BRINP2: variants seen among roughly 807,000 people sequenced by gnomAD.
The protein encoded by BRINP2 is BMP/retinoic acid inducible neural specific 2.
A neutral mutation model predicts 69.2 loss-of-function variants in BRINP2; 21 were observed. The ratio of observed to expected loss-of-function variants is 0.30; its 90% CI spans 0.22 to 0.44. BRINP2 has a LOEUF of 0.44. Ranked by LOEUF, BRINP2 falls within the 20% of genes least tolerant of loss-of-function variation. The pLI is 1.00. For missense variants in BRINP2, 877 were observed against 986.0 expected, an observed-to-expected ratio of 0.89 and a Z score of 1.48; for synonymous variants, 380 against 394.1, an observed-to-expected ratio of 0.96 and a Z score of 0.42.
intron 1 of BRINP2, among the ~76,000 whole-genome samples, chr1:177,216,347 C>A (rs985300980): frequency 6.6e-6 from 1 of 152,038 alleles, no homozygotes; most frequent in African/African-American, 2.4e-5. Flanking sequence ...TTGAGGCTAA[C>A]AGTTTAGCTT....
intron 1 of BRINP2, among the ~76,000 whole-genome samples, chr1:177,217,460 G>C (rs912888701): frequency 2.0e-5 from 3 of 152,118 alleles, no homozygotes; most frequent in Admixed American, 6.5e-5. Flanking sequence ...ACATTTTTAA[G>C]AGGATTATTC....
intron 7 of BRINP2, 96 bp downstream of exon 7, chr1:177,278,881 G>A: frequency 8.3e-7 from 1 of 1,212,060 alleles, no homozygotes; most frequent in South Asian, 1.3e-5. Flanking sequence ...GGGGATCAGG[G>A]AGTGGTGACT....
intron 2 of BRINP2, 128 bp from the exon 3 acceptor site, chr1:177,255,791 C>G: frequency 1.0e-6 from 1 of 962,116 alleles, no homozygotes; most frequent in Admixed American, 2.7e-5. Context: ...GCACCTCCAG[C>G]TGAGGGGATG....
At chr1:177,276,521 A>T in intron 6 of BRINP2, 87 bp downstream of exon 6, 1 of 1,254,652 alleles carries the variant, frequency 8.0e-7, no homozygotes, top group Non-Finnish European at 1.1e-6. Flanking sequence ...TTGAGAGTTG[A>T]GGATCCTCAT....
At chr1:177,208,961 T>G (rs1649146124) in intron 1 of BRINP2, among the ~76,000 whole-genome samples, 1 of 152,196 alleles carries the variant, frequency 6.6e-6, no homozygotes, top group South Asian at 2.1e-4. Context: ...TCTCTTGCCT[T>G]TATTCCCTGC....
intron 1 of BRINP2, among the ~76,000 whole-genome samples, chr1:177,222,607 C>T (rs557958580): frequency 3.3e-5 from 5 of 151,788 alleles, no homozygotes; most frequent in African/African-American, 9.7e-5. Context: ...CCACTGTGGC[C>T]GGTCAGGCCA....
intron 2 of BRINP2, among the ~76,000 whole-genome samples, chr1:177,247,647 T>C (rs1204406496): frequency 1.3e-5 from 2 of 152,196 alleles, no homozygotes; most frequent in African/African-American, 4.8e-5. Context: ...CCCCAAAAGA[T>C]AGATCATTGG....
At chr1:177,187,468 G>A (rs1297423818) in intron 1 of BRINP2, among the ~76,000 whole-genome samples, 1 of 152,132 alleles carries the variant, frequency 6.6e-6, no homozygotes, top group Non-Finnish European at 1.5e-5. Flanking sequence ...TACCAAAATG[G>A]GTCCTTCTTA....
intron 1 of BRINP2, among the ~76,000 whole-genome samples, chr1:177,185,525 T>A (rs1349931221): frequency 6.6e-6 from 1 of 152,192 alleles, no homozygotes; most frequent in Non-Finnish European, 1.5e-5. Context: ...TCACTAACCA[T>A]GTGGGATATC....
chr1:177,241,249 G>T (rs755670935), intron 2 of BRINP2, among the ~76,000 whole-genome samples: 1 of 152,190 alleles, frequency 6.6e-6, no homozygotes, highest in Non-Finnish European at 1.5e-5. Context: ...GGGATTACAG[G>T]CGTGAGCCAT....
chr1:177,180,661 C>T (rs1648218739), intron 1 of BRINP2, among the ~76,000 whole-genome samples: 1 of 152,058 alleles, frequency 6.6e-6, no homozygotes, highest in Admixed American at 6.6e-5. Context: ...TTGGAGCAGG[C>T]CTAGGGGGTC....
chr1:177,213,956 T>C (rs1649300501), intron 1 of BRINP2, among the ~76,000 whole-genome samples: 2 of 152,226 alleles, frequency 1.3e-5, no homozygotes, highest in Non-Finnish European at 2.9e-5. Context: ...AGGTTTCATT[T>C]GTCAAGAATA....
At position 177,256,402 on chromosome 1, in the gene BRINP2, C is replaced by A. The variant is rs1650760226; in HGVS notation, c.460+293C>A. 5.1e-6 allele frequency: 5 copies of A among 985,438 alleles called. No individual in the cohort carries two copies. The African/African-American group carries it at 7.0e-5, about 14-fold the overall frequency. 61.0% of individuals were successfully genotyped at this position (985,438 alleles called of 1,614,324 possible). On this transcript the variant is annotated intron_variant, in intron 3 of 7. Coordinates refer to ENST00000361539, the MANE Select transcript of BRINP2 (RefSeq NM_021165.4). ...ACTCCCAGTTTTCGCTCCGCTGAGT[C>A]ACCCAACCCCTGAGGCTTCGCCACT... is the stretch of plus-strand genomic sequence containing the variant.
At chr1:177,241,321 G>A (rs184188883) in intron 2 of BRINP2, among the ~76,000 whole-genome samples, 1 of 152,176 alleles carries the variant, frequency 6.6e-6, no homozygotes, top group East Asian at 1.9e-4. Context: ...AAGATCTTTT[G>A]GAAATCGAAT....
intron 2 of BRINP2, 29 bp downstream of exon 2, chr1:177,230,174 G>A: frequency 6.4e-7 from 1 of 1,565,694 alleles, no homozygotes; most frequent in Non-Finnish European, 8.7e-7. Context: ...TGAGACAGGG[G>A]CTTCCCTAAG....
intron 1 of BRINP2, among the ~76,000 whole-genome samples, chr1:177,211,477 A>G (rs776585878): frequency 6.6e-5 from 10 of 152,156 alleles, no homozygotes; most frequent in Non-Finnish European, 1.0e-4. Context: ...TCAATCTGGA[A>G]CAATTTGTTC....
At chr1:177,216,432 T>C (rs1412927218) in intron 1 of BRINP2, among the ~76,000 whole-genome samples, 1 of 152,118 alleles carries the variant, frequency 6.6e-6, no homozygotes, top group Non-Finnish European at 1.5e-5. Context: ...TTGTATCTTT[T>C]TTAAATATGT....
chr1:177,198,172 C>T (rs569600439), intron 1 of BRINP2, among the ~76,000 whole-genome samples: 2 of 152,040 alleles, frequency 1.3e-5, no homozygotes, highest in Admixed American at 6.5e-5. Context: ...GATTAAAAAG[C>T]CTATGGAAAA....
intron 1 of BRINP2, among the ~76,000 whole-genome samples, chr1:177,188,128 T>C (rs1282124113): frequency 8.3e-6 from 1 of 120,002 alleles, no homozygotes; most frequent in East Asian, 3.2e-4. Flanking sequence ...CTTGCTGTTA[T>C]TATTGTTATC....
Sources: allele counts gnomAD v4.1 joint callset (sites outside exome capture counted in the v4.1 genomes callset), GRCh38; gene constraint gnomAD v4.1.1; transcripts MANE v1.5; gene names NCBI Gene and HGNC (gene_info 2026-07-23, HGNC 2026-07-21).